DLGAP2: variants seen among roughly 807,000 people sequenced by gnomAD.
DLGAP2 encodes disks large-associated protein 2.
DLGAP2 carries 26 observed loss-of-function variants against 100.3 expected under a neutral mutation model. The observed-to-expected ratio is 0.26, with a 90% confidence interval of 0.19 to 0.36. The LOEUF (loss-of-function observed/expected upper bound fraction) is 0.36, where lower values mean the gene tolerates loss of function less well. Ranked by LOEUF, DLGAP2 falls within the 10% of genes least tolerant of loss-of-function variation. The pLI is 1.00. For synonymous variants in DLGAP2, 886 were observed against 630.1 expected (o/e 1.41, Z -6.08); for missense variants, 1,858 against 1,453.2 (o/e 1.28, Z -4.53).
intron 6 of DLGAP2, among the ~76,000 whole-genome samples, chr8:1,607,025 C>T (rs537118219): frequency 6.6e-6 from 1 of 152,322 alleles, no homozygotes; most frequent in Non-Finnish European, 1.5e-5. Flanking sequence ...TTCATTTCTC[C>T]TGGGCATATA....
At chr8:748,461 G>C (rs531784968) in intron 1 of DLGAP2, among the ~76,000 whole-genome samples, 1 of 152,140 alleles carries the variant, frequency 6.6e-6, no homozygotes, top group South Asian at 2.1e-4. Context: ...GGCCATGTGG[G>C]CGTTGGTGGG....
intron 3 of DLGAP2, among the ~76,000 whole-genome samples, chr8:1,391,838 T>C (rs1242546279): frequency 6.6e-6 from 1 of 152,262 alleles, no homozygotes; most frequent in Non-Finnish European, 1.5e-5. Context: ...AGCAAATGTG[T>C]TGCTGCATCT....
intron 3 of DLGAP2, among the ~76,000 whole-genome samples, chr8:1,434,499 C>G (rs962912208): frequency 4.0e-5 from 6 of 151,816 alleles, no homozygotes; most frequent in African/African-American, 1.2e-4. Context: ...TTTTTTGAGA[C>G]AGTGTCTCAC....
chr8:1,295,496 T>C (rs1800150713), intron 3 of DLGAP2, among the ~76,000 whole-genome samples: 1 of 152,058 alleles, frequency 6.6e-6, no homozygotes, highest in Non-Finnish European at 1.5e-5. Flanking sequence ...ACACTCTCTG[T>C]CCACCGTGAT....
At chr8:982,162 T>A (rs2129014613) in intron 2 of DLGAP2, among the ~76,000 whole-genome samples, 1 of 152,324 alleles carries the variant, frequency 6.6e-6, no homozygotes, top group East Asian at 1.9e-4. Context: ...ACAGGTTGTA[T>A]AACTCCACTG....
chr8:1,553,703 C>T lies in DLGAP2; in HGVS notation c.1230+4020C>T, dbSNP rs376528426. ...TCCCATCACTGAGTACTGACCTTTC[C>T]TTGCAGCCATTCGCTGAAGGACGTG... On this transcript the variant is annotated intron_variant, in intron 5 of 14. Transcript: ENST00000637795. Among the ~76,000 whole-genome samples the T allele has an allele frequency of 6.6e-5, 10 of 152,254 alleles. No homozygotes were observed. The East Asian group carries it at 1.2e-3, about 18-fold the overall frequency.
At chr8:1,118,640 C>G (rs907689612) in intron 2 of DLGAP2, among the ~76,000 whole-genome samples, 1 of 152,162 alleles carries the variant, frequency 6.6e-6, no homozygotes, top group Non-Finnish European at 1.5e-5. Flanking sequence ...CAGACGGCCC[C>G]TGTACTGAGG....
intron 6 of DLGAP2, among the ~76,000 whole-genome samples, chr8:1,581,949 G>A (rs1563235360): frequency 6.8e-6 from 1 of 147,526 alleles, no homozygotes; most frequent in Non-Finnish European, 1.5e-5. Context: ...ACTACCAGAA[G>A]TGAAGGATAC....
intron 3 of DLGAP2, among the ~76,000 whole-genome samples, chr8:1,491,055 T>A (rs919210606): frequency 6.8e-4 from 7 of 10,322 alleles, no homozygotes; most frequent in East Asian, 4.1e-3. Flanking sequence ...TAAAATAAAA[T>A]AAATAAAAAT....
At chr8:1,238,496 T>G (rs2116852429) in intron 2 of DLGAP2, among the ~76,000 whole-genome samples, 1 of 134,780 alleles carries the variant, frequency 7.4e-6, no homozygotes, top group South Asian at 3.0e-4. Flanking sequence ...TTCTCTCACA[T>G]GGCGCCGTGT....
chr8:787,212 T>C (rs1315446399), intron 1 of DLGAP2, among the ~76,000 whole-genome samples: 1 of 152,162 alleles, frequency 6.6e-6, no homozygotes, highest in East Asian at 1.9e-4. Context: ...AAGACTGCTG[T>C]ATGTCTTTCC....
chr8:1,540,753 C>T (rs1204197809), intron 4 of DLGAP2, among the ~76,000 whole-genome samples: 1 of 152,242 alleles, frequency 6.6e-6, no homozygotes, highest in East Asian at 1.9e-4. Context: ...CTCTCAGAAG[C>T]TGCCTGTACC....
Position 1,647,419 on chromosome 8 carries a change from G to T in DLGAP2, c.1810+14373G>T, listed in dbSNP as rs188384047. On this transcript the variant is annotated intron_variant, in intron 8 of 14. Transcript: ENST00000637795. ...CAGGAGAATGGAGTGAACCCGGGAGGCAGAGCTTGCAGTGAGCCGAGATCG... is the reference window on the plus strand; with the variant it reads ...CAGGAGAATGGAGTGAACCCGGGAGTCAGAGCTTGCAGTGAGCCGAGATCG... Among the ~76,000 whole-genome samples the T allele has an allele frequency of 3.2e-3, 469 of 144,612 alleles. 2 individuals are homozygous for T. Among genetic ancestry groups the T allele is most frequent in the African/African-American group, 0.012 (459 of 39,802 alleles). The allele number at this position is 144,612 out of a possible 152,430, so 94.9% of individuals were successfully genotyped here.
At chr8:878,306 T>A (rs1797722369) in intron 1 of DLGAP2, among the ~76,000 whole-genome samples, 1 of 152,134 alleles carries the variant, frequency 6.6e-6, no homozygotes, top group South Asian at 2.1e-4. Flanking sequence ...TAGTTTGAGA[T>A]CCATGGGACC....
chr8:1,626,238 T>C (rs1797493345), intron 6 of DLGAP2, among the ~76,000 whole-genome samples: 2 of 136,192 alleles, frequency 1.5e-5, no homozygotes, highest in Non-Finnish European at 3.1e-5. Flanking sequence ...TTCCCATCTC[T>C]ACCCTGCAGC....
chr8:1,120,411 A>T (rs1454496180), intron 2 of DLGAP2, among the ~76,000 whole-genome samples: 1 of 152,208 alleles, frequency 6.6e-6, no homozygotes, highest in Non-Finnish European at 1.5e-5. Flanking sequence ...CATGACAGCT[A>T]TGCTGGTATC....
chr8:1,364,050 G>T (rs143680979), intron 3 of DLGAP2, among the ~76,000 whole-genome samples: 4 of 152,284 alleles, frequency 2.6e-5, no homozygotes, highest in Non-Finnish European at 5.9e-5. Context: ...CCATATGGGG[G>T]TCTTCCTCAC....
intron 3 of DLGAP2, among the ~76,000 whole-genome samples, chr8:1,474,521 T>A (rs1184084971): frequency 6.6e-6 from 1 of 152,176 alleles, no homozygotes; most frequent in Non-Finnish European, 1.5e-5. Context: ...TTCCTTTTTA[T>A]CACGTCCACG....
intron 2 of DLGAP2, among the ~76,000 whole-genome samples, chr8:1,213,211 T>C (rs1798142585): frequency 6.6e-6 from 1 of 152,152 alleles, no homozygotes; most frequent in Non-Finnish European, 1.5e-5. Context: ...ATACTCACAG[T>C]CTTGTCTGTG....
Sources: allele counts gnomAD v4.1 joint callset (sites outside exome capture counted in the v4.1 genomes callset), GRCh38; gene constraint gnomAD v4.1.1; transcripts MANE v1.5; gene names NCBI Gene and HGNC (gene_info 2026-07-23, HGNC 2026-07-21).